The following PRKAB2 variants were observed in gnomAD, a reference collection of about 807,000 sequenced individuals.
The protein encoded by PRKAB2 is protein kinase AMP-activated non-catalytic subunit beta 2.
In PRKAB2, 18 loss-of-function variants were observed where a neutral mutation model predicts 29.8. The ratio of observed to expected loss-of-function variants is 0.60; its 90% CI spans 0.42 to 0.89. PRKAB2 has a LOEUF of 0.89. PRKAB2 is among the 40% of genes least tolerant of loss of function. The pLI is 0.00. For synonymous variants in PRKAB2, 136 were observed against 125.9 expected (o/e 1.08, Z -0.54); for missense variants, 270 against 344.3 (o/e 0.78, Z 1.71).
At chr1:147,164,446 T>C (rs1419312123) in intron 5 of PRKAB2, among the ~76,000 whole-genome samples, 2 of 152,190 alleles carry the variant, frequency 1.3e-5, no homozygotes, top group African/African-American at 4.8e-5. Flanking sequence ...CATAAATATG[T>C]ACAATTGTTA....
rs782027118 is a variant in PRKAB2 at position 147,166,949 on chromosome 1, A to G, written c.324-10T>C. 1 of 1,610,308 alleles carries G rather than the reference A, an allele frequency of 6.2e-7. No individual in the cohort carries two copies. The highest frequency in any genetic ancestry group is 1.3e-5 in the African/African-American group (1 of 74,962). ...AACAAAGTCATTATGGCTACAGAAG[A>G]AAAAAGAAAGGCAAACAGGCCAAGT... On this transcript the variant is annotated splice_polypyrimidine_tract_variant and intron_variant, in intron 3 of 7. Coordinates refer to ENST00000254101, the MANE Select transcript of PRKAB2 (RefSeq NM_005399.5).
Position 147,172,113 on chromosome 1 carries a change from C to A in PRKAB2, c.32G>T (p.Gly11Val). ...TGCAGCCTTGGCGCCGTGGCGCTCCCCGGACACCCGGTCGCTGGTGGTGTT... is the reference window on the plus strand; with the variant it reads ...TGCAGCCTTGGCGCCGTGGCGCTCCACGGACACCCGGTCGCTGGTGGTGTT... MGNTTSDRVS[G>V]ERHGAKAARS... Residue 11 changes from glycine (G) to valine (V), a missense_variant, in exon 2 of 8, where the codon GGG (glycine) becomes GTG (valine). Gly to Val is a moderately radical substitution (Grantham distance 109, BLOSUM62 -3). This residue lies in a region of PRKAB2 where 228 missense variants were observed against 255.5 expected (regional missense o/e 0.89). Coordinates refer to ENST00000254101, the MANE Select transcript of PRKAB2 (RefSeq NM_005399.5). The A allele has an allele frequency of 6.4e-7, 1 of 1,554,522 alleles. No homozygotes were observed. Among genetic ancestry groups the A allele is most frequent in the Non-Finnish European group, 8.7e-7 (1 of 1,149,988 alleles).
rs186085469 is a variant in PRKAB2, at chr1:147,166,277, G to A, written c.538+221C>T. ...AATAGAGTGTATCCCATGTAATAAGGTAAACATTGTATCATGAGACTTGTG... is the reference window on the plus strand; with the variant it reads ...AATAGAGTGTATCCCATGTAATAAGATAAACATTGTATCATGAGACTTGTG... On this transcript the variant is annotated intron_variant, in intron 5 of 7. Transcript: ENST00000254101. Among the ~76,000 whole-genome samples the A allele has an allele frequency of 6.6e-5, 10 of 152,190 alleles. No individual in the cohort carries two copies. In the East Asian group the frequency reaches 1.9e-3, roughly 29 times the overall value.
intron 2 of PRKAB2, among the ~76,000 whole-genome samples, chr1:147,169,081 C>A (rs1157490786): frequency 2.0e-5 from 3 of 152,198 alleles, no homozygotes. Flanking sequence ...TGGCCCTTTA[C>A]AGAAAGATTG....
At chr1:147,161,863 A>G in intron 6 of PRKAB2, 83 bp from the exon 7 acceptor site, 1 of 1,134,518 alleles carries the variant, frequency 8.8e-7, no homozygotes, top group Non-Finnish European at 1.3e-6. Context: ...ACTCTTCCTC[A>G]GAGCTCTTTG....
intron 2 of PRKAB2, among the ~76,000 whole-genome samples, chr1:147,171,226 A>G (rs1654545906): frequency 6.6e-6 from 1 of 152,244 alleles, no homozygotes; most frequent in African/African-American, 2.4e-5. Flanking sequence ...ATTGAGAGCA[A>G]GGTCTTCAGG....
intron 5 of PRKAB2, among the ~76,000 whole-genome samples, chr1:147,166,203 T>G (rs1654241716): frequency 6.6e-6 from 1 of 152,174 alleles, no homozygotes; most frequent in South Asian, 2.1e-4. Flanking sequence ...AAACAGCTTT[T>G]CAAACTATAG....
At position 147,158,633 on chromosome 1, in the gene PRKAB2, G is replaced by A. The variant is rs1559606360; in HGVS notation, c.*932C>T. 6.6e-6 allele frequency: 1 copy of A among 151,994 alleles called. No homozygotes were observed. The highest frequency in any genetic ancestry group is 1.5e-5 in the Non-Finnish European group (1 of 67,992). The allele number at this position is 151,994 out of a possible 1,614,324, so 9.4% of individuals were successfully genotyped here. On this transcript the variant is annotated 3_prime_UTR_variant, in exon 8 of 8. Transcript: ENST00000254101. ...ATGAAAGACATGAAAATACTCCCGG[G>A]TTCCACTCCTGCCTTCAGAACTGTT... is the stretch of plus-strand genomic sequence containing the variant.
At chr1:147,165,796 G>T (rs1392358666) in intron 5 of PRKAB2, among the ~76,000 whole-genome samples, 2 of 151,928 alleles carry the variant, frequency 1.3e-5, no homozygotes, top group African/African-American at 4.8e-5. Flanking sequence ...AGGGGGCAGG[G>T]GGGTGGTTGT....
chr1:147,163,905 A>G (rs1439761350), intron 5 of PRKAB2, among the ~76,000 whole-genome samples: 2 of 152,080 alleles, frequency 1.3e-5, no homozygotes, highest in African/African-American at 4.8e-5. Flanking sequence ...AAAAATGAAG[A>G]GAAATATATT....
Position 147,167,750 on chromosome 1 carries a change from AC to A in PRKAB2, c.323+16del, listed in dbSNP as rs1553913856. On this transcript the variant is annotated intron_variant, in intron 3 of 7. Transcript: ENST00000254101. Reference sequence around the variant, plus strand: ...CTCTATTCCTGGACCCTTAGATTCAACCAAGACACTTGTCACCTCTTAATCA... The same window carrying A: ...CTCTATTCCTGGACCCTTAGATTCAACAAGACACTTGTCACCTCTTAATCA... The A allele has an allele frequency of 6.2e-7, 1 of 1,609,022 alleles. No individual in the cohort carries two copies. The highest frequency in any genetic ancestry group is 1.3e-5 in the African/African-American group (1 of 74,710).
rs1654087890 is a variant in PRKAB2 at position 147,163,707 on chromosome 1, AC to A, written c.539-1135del. Among the ~76,000 whole-genome samples the A allele has an allele frequency of 3.3e-5, 5 of 152,254 alleles. No individual in the cohort carries two copies. In the South Asian group the frequency reaches 1.0e-3, roughly 32 times the overall value. Reference sequence around the variant, plus strand: ...GGAGGGGAGGAGGGAATGGGATGTGACTGCTAATGGGTACAGGGTTTATTCT... The same window carrying A: ...GGAGGGGAGGAGGGAATGGGATGTGATGCTAATGGGTACAGGGTTTATTCT... On this transcript the variant is annotated intron_variant, in intron 5 of 7. Transcript: ENST00000254101.
At position 147,157,341 on chromosome 1, in the gene PRKAB2, C is replaced by T. The variant is rs587655051; in HGVS notation, c.*2224G>A. On this transcript the variant is annotated 3_prime_UTR_variant, in exon 8 of 8. Coordinates refer to ENST00000254101, the MANE Select transcript of PRKAB2 (RefSeq NM_005399.5). ...CCTTCTATACCAGCTGGTAGGCTCCCATTTCACATCTGGGCTGAGAGTTAC... is the reference window on the plus strand; with the variant it reads ...CCTTCTATACCAGCTGGTAGGCTCCTATTTCACATCTGGGCTGAGAGTTAC... The T allele has an allele frequency of 1.3e-5, 2 of 152,248 alleles. No individual in the cohort carries two copies. The highest frequency in any genetic ancestry group is 3.9e-4 in the East Asian group (2 of 5,156). 9.4% of individuals were successfully genotyped at this position (152,248 alleles called of 1,614,324 possible).
intron 2 of PRKAB2, among the ~76,000 whole-genome samples, chr1:147,171,290 G>A (rs1161417777): frequency 6.6e-6 from 1 of 152,154 alleles, no homozygotes; most frequent in Non-Finnish European, 1.5e-5. Flanking sequence ...GTACTACTGA[G>A]GAGTAAACAA....
chr1:147,171,726 G>A (rs1654609850), intron 2 of PRKAB2, among the ~76,000 whole-genome samples: 1 of 152,108 alleles, frequency 6.6e-6, no homozygotes. Flanking sequence ...GGGGATGGGG[G>A]GATGTCTATT....
chr1:147,172,374 G>C (rs891289252), intron 1 of PRKAB2, 55 bp downstream of exon 1: 3 of 599,412 alleles, frequency 5.0e-6, no homozygotes, highest in Non-Finnish European at 8.3e-6. Flanking sequence ...ACCCGCTATC[G>C]GGACCTCCCC....
chr1:147,164,561 A>C (rs1468952307), intron 5 of PRKAB2, among the ~76,000 whole-genome samples: 1 of 152,220 alleles, frequency 6.6e-6, no homozygotes, highest in Non-Finnish European at 1.5e-5. Context: ...TTGAAACCTT[A>C]CAAAGTATTA....
intron 2 of PRKAB2, 116 bp from the exon 3 acceptor site, chr1:147,168,049 C>T: frequency 9.5e-7 from 1 of 1,055,898 alleles, no homozygotes; most frequent in Non-Finnish European, 1.3e-6. Flanking sequence ...ATATAAACCC[C>T]AAAATTAGCA....
At position 147,159,196 on chromosome 1, in the gene PRKAB2, A is replaced by C. The variant is rs954123106; in HGVS notation, c.*369T>G. 2 of 194,154 alleles carry C rather than the reference A, an allele frequency of 1.0e-5. No homozygotes were observed. The allele number at this position is 194,154 out of a possible 1,614,324, so 12.0% of individuals were successfully genotyped here. A position where few individuals can be genotyped will look rare whatever the true frequency, so the allele number is the denominator to read the frequency against. Reference sequence around the variant, plus strand: ...GTAGCAGTGATAGAATCTCCACCCAACAAGGATCCTAAGAGTTTGCTGTTC... The same window carrying C: ...GTAGCAGTGATAGAATCTCCACCCACCAAGGATCCTAAGAGTTTGCTGTTC... On this transcript the variant is annotated 3_prime_UTR_variant, in exon 8 of 8. Coordinates refer to ENST00000254101, the MANE Select transcript of PRKAB2 (RefSeq NM_005399.5).
Sources: gnomAD v4.1 joint callset for allele counts (sites outside exome capture counted in the v4.1 genomes callset) on GRCh38, gnomAD v4.1.1 for gene constraint, gnomAD v4.1.1 regional missense constraint, MANE v1.5 for transcripts, NCBI Gene and HGNC (gene_info 2026-07-23, HGNC 2026-07-21) for gene names.